PLCXD3: variants seen among roughly 807,000 people sequenced by gnomAD.
PLCXD3 encodes the protein phosphatidylinositol specific phospholipase C X domain containing 3, also known as PI-PLC X domain-containing protein 3.
PLCXD3 carries 19 observed loss-of-function variants against 25.5 expected under a neutral mutation model. The ratio of observed to expected loss-of-function variants is 0.75; its 90% CI spans 0.52 to 1.09. PLCXD3 has a LOEUF of 1.09. PLCXD3 is among the 50% of genes least tolerant of loss of function. The probability of loss-of-function intolerance (pLI) is 0.00; values close to 1 mark genes in which losing one functional copy is unlikely to be tolerated. For synonymous variants in PLCXD3, 174 were observed against 137.6 expected (o/e 1.26, Z -1.85); for missense variants, 411 against 388.1 (o/e 1.06, Z -0.50).
intron 1 of PLCXD3, among the ~76,000 whole-genome samples, chr5:41,466,226 C>A (rs1361967488): frequency 6.6e-6 from 1 of 151,752 alleles, no homozygotes; most frequent in Non-Finnish European, 1.5e-5. Context: ...TTAATTAAAA[C>A]AATTTTTCAA....
intron 1 of PLCXD3, among the ~76,000 whole-genome samples, chr5:41,403,883 A>G (rs1323430001): frequency 6.6e-6 from 1 of 151,730 alleles, no homozygotes; most frequent in Non-Finnish European, 1.5e-5. Context: ...ATGTGTCTTT[A>G]TAGCAGCATG....
intron 2 of PLCXD3, among the ~76,000 whole-genome samples, chr5:41,369,660 C>T (rs192475451): frequency 1.2e-4 from 19 of 152,010 alleles, no homozygotes; most frequent in Admixed American, 1.0e-3. Flanking sequence ...TTTTTAGTTT[C>T]GTAGACAGGG....
intron 2 of PLCXD3, among the ~76,000 whole-genome samples, chr5:41,379,405 G>A (rs1186922739): frequency 6.6e-6 from 1 of 152,098 alleles, no homozygotes; most frequent in African/African-American, 2.4e-5. Context: ...TGAATAATTT[G>A]TTGGAACTAG....
intron 2 of PLCXD3, among the ~76,000 whole-genome samples, chr5:41,380,981 C>T (rs1745440618): frequency 6.6e-6 from 1 of 152,076 alleles, no homozygotes; most frequent in Non-Finnish European, 1.5e-5. Context: ...TCAGGGTAAC[C>T]ATTCCTTATA....
intron 1 of PLCXD3, among the ~76,000 whole-genome samples, chr5:41,395,350 T>C (rs1173662636): frequency 6.6e-6 from 1 of 152,008 alleles, no homozygotes; most frequent in Non-Finnish European, 1.5e-5. Context: ...AATTTATAGC[T>C]ATAAGTGCCT....
chr5:41,387,022 C>A (rs1403569493), intron 1 of PLCXD3, among the ~76,000 whole-genome samples: 1 of 152,036 alleles, frequency 6.6e-6, no homozygotes, highest in Non-Finnish European at 1.5e-5. Flanking sequence ...CAGGGAGTTA[C>A]TCCTCACTGA....
chr5:41,365,978 A>T (rs1053334575), intron 2 of PLCXD3, among the ~76,000 whole-genome samples: 4 of 151,812 alleles, frequency 2.6e-5, no homozygotes, highest in African/African-American at 9.7e-5. Context: ...GTTCTAGGGT[A>T]CTTGTGCACA....
chr5:41,485,415 C>T (rs1205092895), intron 1 of PLCXD3, among the ~76,000 whole-genome samples: 1 of 152,152 alleles, frequency 6.6e-6, no homozygotes, highest in East Asian at 1.9e-4. Context: ...AAACCTTCAA[C>T]CTTCTAAATT....
intron 1 of PLCXD3, among the ~76,000 whole-genome samples, chr5:41,409,635 A>G (rs1271918487): frequency 6.6e-6 from 1 of 152,056 alleles, no homozygotes; most frequent in Non-Finnish European, 1.5e-5. Context: ...CTTGTTGTCT[A>G]TCTCTCCCCA....
At chr5:41,334,173 G>GTACTT (rs1743914213) in intron 2 of PLCXD3, among the ~76,000 whole-genome samples, 1 of 152,080 alleles carries the variant, frequency 6.6e-6, no homozygotes, top group African/African-American at 2.4e-5. Flanking sequence ...GTAGAGTAAT[G>GTACTT]TACTTTATTT....
chr5:41,491,371 G>T (rs1319083695), intron 1 of PLCXD3, among the ~76,000 whole-genome samples: 2 of 152,158 alleles, frequency 1.3e-5, no homozygotes, highest in Non-Finnish European at 1.5e-5. Flanking sequence ...GTCAATTTTG[G>T]AATAGGTGTG....
intron 2 of PLCXD3, among the ~76,000 whole-genome samples, chr5:41,342,750 TTAG>T (rs1744186952): frequency 6.6e-6 from 1 of 152,112 alleles, no homozygotes; most frequent in Non-Finnish European, 1.5e-5. Context: ...GCATAAAATA[TTAG>T]TAGAAAAGGA....
intron 1 of PLCXD3, among the ~76,000 whole-genome samples, chr5:41,427,295 TAG>T (rs1746983810): frequency 6.6e-6 from 1 of 152,166 alleles, no homozygotes. Context: ...CCCTCAGAGT[TAG>T]AGTCTGGTTA....
Position 41,344,123 on chromosome 5 carries a change from G to A in PLCXD3, c.813-30353C>T, listed in dbSNP as rs1175765951. On this transcript the variant is annotated intron_variant, in intron 2 of 2. Transcript: ENST00000377801. Reference sequence around the variant, plus strand: ...TGTTTTAAAGGAACGATTTCAGATGGACTTCTAAAACATGAATAATACATT... The same window carrying A: ...TGTTTTAAAGGAACGATTTCAGATGAACTTCTAAAACATGAATAATACATT... 3.2e-4 allele frequency among the ~76,000 whole-genome samples: 48 copies of A among 152,018 alleles called. 1 individual carries two copies. The highest frequency in any genetic ancestry group is 3.1e-3 in the Admixed American group (48 of 15,262).
Position 41,434,966 on chromosome 5 carries a change from G to A in PLCXD3, c.104-52432C>T, listed in dbSNP as rs76509998. 4.7e-3 allele frequency among the ~76,000 whole-genome samples: 713 copies of A among 152,194 alleles called. 6 individuals are homozygous for A. Among genetic ancestry groups the A allele is most frequent in the African/African-American group, 0.016 (669 of 41,526 alleles). ...CTCCTTAATTTTAATGCTAGCACAC[G>A]CTCATAAAAATTTTCAGTAGTATAA... On this transcript the variant is annotated intron_variant, in intron 1 of 2. Transcript: ENST00000377801.
intron 2 of PLCXD3, among the ~76,000 whole-genome samples, chr5:41,335,377 C>T (rs558444071): frequency 2.2e-4 from 34 of 152,122 alleles, no homozygotes; most frequent in African/African-American, 7.2e-4. Context: ...CTATTAGAGG[C>T]AGTAATGTTG....
At chr5:41,487,453 T>C (rs1000054698) in intron 1 of PLCXD3, among the ~76,000 whole-genome samples, 1 of 152,228 alleles carries the variant, frequency 6.6e-6, no homozygotes, top group Non-Finnish European at 1.5e-5. Context: ...CAAATATTAA[T>C]TGGACATTGA....
intron 2 of PLCXD3, among the ~76,000 whole-genome samples, chr5:41,368,551 G>C (rs1745003336): frequency 6.6e-6 from 1 of 152,060 alleles, no homozygotes; most frequent in Non-Finnish European, 1.5e-5. Flanking sequence ...TGGTTGCTCT[G>C]GCCAGAACTT....
chr5:41,451,655 T>A (rs916871486), intron 1 of PLCXD3, among the ~76,000 whole-genome samples: 1 of 151,700 alleles, frequency 6.6e-6, no homozygotes, highest in African/African-American at 2.4e-5. Context: ...TTTTTTTTTA[T>A]GTTGGATGTC....
Sources: gnomAD v4.1 joint callset for allele counts (sites outside exome capture counted in the v4.1 genomes callset) on GRCh38, gnomAD v4.1.1 for gene constraint, MANE v1.5 for transcripts, NCBI Gene and HGNC (gene_info 2026-07-23, HGNC 2026-07-21) for gene names.